Variants in ADGRV1 observed in about 807,000 individuals in gnomAD.
ADGRV1 encodes the protein adhesion G protein-coupled receptor V1, also known as G-protein coupled receptor 98.
In ADGRV1, 359 loss-of-function variants were observed where a neutral mutation model predicts 596.2. That is an observed-to-expected ratio of 0.60 (90% CI 0.55 to 0.66). The LOEUF is 0.66. Ranked by LOEUF, ADGRV1 falls within the 30% of genes least tolerant of loss-of-function variation. ADGRV1 has a pLI of 0.00. For synonymous variants in ADGRV1, 2,681 were observed against 2,679.2 expected, an observed-to-expected ratio of 1.00 and a Z score of -0.02; for missense variants, 7,274 against 7,575.6, an observed-to-expected ratio of 0.96 and a Z score of 1.48.
At chr5:90,594,204 G>A (rs1015653625) in intron 1 of ADGRV1, among the ~76,000 whole-genome samples, 7 of 152,108 alleles carry the variant, frequency 4.6e-5, no homozygotes, top group Non-Finnish European at 8.8e-5. Flanking sequence ...TTGACCTGTA[G>A]ATCTCGTAAT....
At chr5:90,769,821 T>C (rs1757506503) in intron 59 of ADGRV1, among the ~76,000 whole-genome samples, 1 of 152,216 alleles carries the variant, frequency 6.6e-6, no homozygotes, top group African/African-American at 2.4e-5. Context: ...TGAGACCTCA[T>C]TAGATGTACT....
At chr5:90,771,020 T>C (rs1757637056) in intron 59 of ADGRV1, among the ~76,000 whole-genome samples, 1 of 152,214 alleles carries the variant, frequency 6.6e-6, no homozygotes, top group South Asian at 2.1e-4. Context: ...TTTCATTGCA[T>C]AGATTCCCCT....
At chr5:90,952,453 T>C (rs958197451) in intron 83 of ADGRV1, among the ~76,000 whole-genome samples, 2 of 152,246 alleles carry the variant, frequency 1.3e-5, no homozygotes, top group African/African-American at 2.4e-5. Flanking sequence ...TCATTTATGA[T>C]GGAGGGAGGG....
chr5:90,642,942 T>C lies in ADGRV1; in HGVS notation c.2454T>C (p.Asp818=). The C allele has an allele frequency of 1.2e-6, 2 of 1,613,460 alleles. No homozygotes were observed. Among genetic ancestry groups the C allele is most frequent in the Non-Finnish European group, 1.7e-6 (2 of 1,179,552 alleles). The change falls in exon 13 of 90, where the codon GAT becomes GAC. Residue 818 remains aspartate, a synonymous_variant. Transcript: ENST00000405460. ...QFLHYRVEPR[D]SNEFYGNTGV... ...TACACTACCGAGTAGAGCCAAGAGA[T>C]AGCAATGAATTCTATGGAAACACGG...
chr5:91,001,468 T>A (rs1781852649), intron 85 of ADGRV1, among the ~76,000 whole-genome samples: 1 of 152,170 alleles, frequency 6.6e-6, no homozygotes, highest in Non-Finnish European at 1.5e-5. Flanking sequence ...CATAATATGT[T>A]ATTGTTTTTG....
chr5:91,150,892 C>G (rs1795994839), intron 88 of ADGRV1, among the ~76,000 whole-genome samples: 1 of 152,188 alleles, frequency 6.6e-6, no homozygotes, highest in South Asian at 2.1e-4. Flanking sequence ...AATGCTGCCC[C>G]TAGCAGTGGG....
chr5:90,596,166 A>G (rs1162868469), intron 1 of ADGRV1, among the ~76,000 whole-genome samples: 1 of 139,720 alleles, frequency 7.2e-6, no homozygotes, highest in African/African-American at 2.8e-5. Context: ...GGCGGGGCAG[A>G]GGCGCTCCCC....
At chr5:91,050,282 A>G (rs1046518360) in intron 85 of ADGRV1, among the ~76,000 whole-genome samples, 15 of 152,216 alleles carry the variant, frequency 9.9e-5, no homozygotes, top group African/African-American at 3.1e-4. Context: ...TGAAAGAGAC[A>G]TCAGCGGTCT....
At chr5:90,801,584 T>C (rs1761381270) in intron 70 of ADGRV1, among the ~76,000 whole-genome samples, 1 of 152,138 alleles carries the variant, frequency 6.6e-6, no homozygotes, top group Non-Finnish European at 1.5e-5. Flanking sequence ...AATGTCATTT[T>C]GAATGAATAA....
chr5:90,731,907 CTT>C (rs1227240419), intron 50 of ADGRV1, among the ~76,000 whole-genome samples: 2 of 152,160 alleles, frequency 1.3e-5, no homozygotes, highest in Non-Finnish European at 2.9e-5. Flanking sequence ...AAAACGAACA[CTT>C]TTATGAGAAG....
chr5:91,038,550 A>T (rs923105101), intron 85 of ADGRV1, among the ~76,000 whole-genome samples: 1 of 152,198 alleles, frequency 6.6e-6, no homozygotes, highest in African/African-American at 2.4e-5. Context: ...GACCTGGGTG[A>T]TTGATTTCAT....
chr5:90,984,800 C>A (rs1387859288), intron 84 of ADGRV1, among the ~76,000 whole-genome samples: 1 of 152,158 alleles, frequency 6.6e-6, no homozygotes, highest in African/African-American at 2.4e-5. Context: ...ATAGTACTTT[C>A]TCTCTGTGCG....
intron 1 of ADGRV1, 51 bp from the exon 2 acceptor site, chr5:90,614,784 A>G (rs1206543032): frequency 8.1e-7 from 1 of 1,227,564 alleles, no homozygotes; most frequent in East Asian, 2.5e-5. Context: ...CAATCTAATG[A>G]GAATAGATTA....
intron 85 of ADGRV1, among the ~76,000 whole-genome samples, chr5:91,060,047 A>C (rs879537776): frequency 6.6e-6 from 1 of 152,178 alleles, no homozygotes; most frequent in African/African-American, 2.4e-5. Context: ...GGATACCAGG[A>C]TTGAAATGGG....
chr5:91,147,199 A>G (rs939831870), intron 87 of ADGRV1, among the ~76,000 whole-genome samples: 4 of 133,908 alleles, frequency 3.0e-5, no homozygotes. Flanking sequence ...AAAAAAAAAA[A>G]GATTTGTTAG....
chr5:90,754,902 G>A (rs1205311749), intron 54 of ADGRV1, 81 bp from the exon 55 acceptor site: 1 of 928,134 alleles, frequency 1.1e-6, no homozygotes, highest in African/African-American at 1.6e-5. Context: ...GGATAGAGTA[G>A]AGTGTTCCAC....
intron 86 of ADGRV1, among the ~76,000 whole-genome samples, chr5:91,092,164 A>C (rs1237715096): frequency 1.3e-5 from 2 of 152,220 alleles, no homozygotes; most frequent in East Asian, 3.9e-4. Flanking sequence ...GCAATGGTGC[A>C]ATCTTGGCTC....
intron 84 of ADGRV1, among the ~76,000 whole-genome samples, chr5:90,983,412 T>A (rs1466107158): frequency 2.0e-5 from 3 of 152,120 alleles, no homozygotes; most frequent in Non-Finnish European, 2.9e-5. Flanking sequence ...CAGCTTAGAG[T>A]CATTTAGCAA....
Position 90,993,257 on chromosome 5 carries a change from C to T in ADGRV1, c.18152+7735C>T, listed in dbSNP as rs977180031. The stretch of plus-strand genomic sequence containing the variant: ...CACTGCAACCTCCTCCTCCCAGGTT[C>T]AAGTGATTCTCCTGCCTCAGCCTCC... On this transcript the variant is annotated intron_variant, in intron 85 of 89. Transcript: ENST00000405460. Among the ~76,000 whole-genome samples, 4 of 146,418 alleles carry T rather than the reference C, an allele frequency of 2.7e-5. No individual in the cohort carries two copies. In the East Asian group the frequency reaches 8.4e-4, roughly 31 times the overall value.
Sources: allele counts gnomAD v4.1 joint callset (sites outside exome capture counted in the v4.1 genomes callset), GRCh38; gene constraint gnomAD v4.1.1; transcripts MANE v1.5; gene names NCBI Gene and HGNC (gene_info 2026-07-23, HGNC 2026-07-21).